LPCAT2: variants seen among roughly 807,000 people sequenced by gnomAD.
LPCAT2 encodes lysophosphatidylcholine acyltransferase 2, also known as 1-AGP acyltransferase 11.
Under a neutral mutation model 64.7 loss-of-function variants are expected in LPCAT2, and 58 were observed. The ratio of observed to expected loss-of-function variants is 0.90; its 90% CI spans 0.73 to 1.12. The LOEUF (loss-of-function observed/expected upper bound fraction) is 1.12. Ranked by LOEUF, LPCAT2 falls within the 50% of genes most tolerant of loss-of-function variation. LPCAT2 has a pLI of 0.00. For synonymous variants in LPCAT2, 252 were observed against 245.3 expected (o/e 1.03, Z -0.26); for missense variants, 579 against 669.8 (o/e 0.86, Z 1.50).
At chr16:55,521,175 A>G (rs1963090580) in intron 1 of LPCAT2, among the ~76,000 whole-genome samples, 1 of 151,852 alleles carries the variant, frequency 6.6e-6, no homozygotes, top group South Asian at 2.1e-4. Flanking sequence ...ATATCATTAT[A>G]GGCTAAATGG....
At chr16:55,521,084 G>A (rs2142393089) in intron 1 of LPCAT2, among the ~76,000 whole-genome samples, 1 of 151,744 alleles carries the variant, frequency 6.6e-6, no homozygotes, top group East Asian at 1.9e-4. Context: ...ATACATTAAT[G>A]GAATTGATAA....
At chr16:55,570,876 G>T (rs112555633) in intron 11 of LPCAT2, among the ~76,000 whole-genome samples, 5 of 152,278 alleles carry the variant, frequency 3.3e-5, no homozygotes, top group African/African-American at 1.2e-4. Context: ...GTACAGCTCA[G>T]AATTTACTGT....
intron 11 of LPCAT2, chr16:55,566,873 G>A: frequency 6.2e-7 from 1 of 1,613,858 alleles, no homozygotes. Flanking sequence ...ATATTGGAGG[G>A]ATAGTTGGAG....
chr16:55,579,660 G>A (rs1414777510), intron 13 of LPCAT2, among the ~76,000 whole-genome samples: 4 of 152,186 alleles, frequency 2.6e-5, no homozygotes, highest in African/African-American at 9.7e-5. Context: ...TCTGCTTTCA[G>A]TGTGGCCAGG....
intron 2 of LPCAT2, among the ~76,000 whole-genome samples, chr16:55,526,666 T>C (rs1963174541): frequency 6.6e-6 from 1 of 152,212 alleles, no homozygotes; most frequent in South Asian, 2.1e-4. Context: ...GGTTGTGTAG[T>C]ATAAAACAAT....
chr16:55,532,060 T>G (rs779890328), intron 5 of LPCAT2, 86 bp downstream of exon 5: 7 of 868,562 alleles, frequency 8.1e-6, no homozygotes, highest in Non-Finnish European at 1.1e-5. Context: ...AATAACTCTT[T>G]AGCTTGCTCT....
intron 9 of LPCAT2, among the ~76,000 whole-genome samples, chr16:55,547,145 C>G (rs2142396492): frequency 6.7e-6 from 1 of 148,726 alleles, no homozygotes; most frequent in Non-Finnish European, 1.5e-5. Flanking sequence ...GAAACTCCGT[C>G]TCAAAAAAGA....
At position 55,524,959 on chromosome 16, in the gene LPCAT2, A is replaced by G. The variant is rs185235853; in HGVS notation, c.172-549A>G. Among the ~76,000 whole-genome samples the G allele has an allele frequency of 1.3e-3, 196 of 152,130 alleles. 1 individual carries two copies. Among genetic ancestry groups the G allele is most frequent in the Middle Eastern group, 6.8e-3 (2 of 294 alleles). The stretch of plus-strand genomic sequence containing the variant: ...AGTAAGCATCCATGTATTATTTGCT[A>G]TTCTTTTTAATTTACTTTTCATTTC... On this transcript the variant is annotated intron_variant, in intron 1 of 13. Coordinates refer to ENST00000262134, the MANE Select transcript of LPCAT2 (RefSeq NM_017839.5).
intron 11 of LPCAT2, among the ~76,000 whole-genome samples, chr16:55,553,616 T>C (rs1434550797): frequency 1.3e-5 from 2 of 152,218 alleles, no homozygotes; most frequent in Non-Finnish European, 2.9e-5. Flanking sequence ...TCCATAAGTG[T>C]TGTAATTGGC....
intron 11 of LPCAT2, among the ~76,000 whole-genome samples, chr16:55,562,146 A>G (rs2047082489): frequency 6.6e-6 from 1 of 152,062 alleles, no homozygotes; most frequent in African/African-American, 2.4e-5. Flanking sequence ...ATCTGATTCC[A>G]TTTTATTGAT....
At chr16:55,556,503 C>T (rs778655617) in intron 11 of LPCAT2, among the ~76,000 whole-genome samples, 41 of 152,258 alleles carry the variant, frequency 2.7e-4, no homozygotes, top group Admixed American at 1.4e-3. Flanking sequence ...CAGGGCCGGG[C>T]GCGGTGGCTC....
At chr16:55,566,382 T>C (rs8049240) in intron 11 of LPCAT2, among the ~76,000 whole-genome samples, 143,351 of 152,260 alleles carry the variant, frequency 0.94, 67,843 homozygotes, top group East Asian at 0.99. Flanking sequence ...CATTTACCTT[T>C]TTCCTGTTAG....
chr16:55,549,402 A>G lies in LPCAT2; in HGVS notation c.1061A>G (p.Lys354Arg). The change falls in exon 10 of 14, where the codon AAA (lysine) becomes AGA (arginine). Residue 354 changes from lysine (K) to arginine (R), a missense_variant and splice_region_variant. By Grantham distance (26) the Lys-to-Arg change is conservative. Transcript: ENST00000262134. ...TTTACTAAAATTAGCCGAAAATTGA[A>G]GTAAGTGTATTTTAAAATGACTACA... ...VEFTKISRKL[K>R]LDWDGVRKHL... 6.3e-7 allele frequency: 1 copy of G among 1,586,760 alleles called. No homozygotes were observed. The highest frequency in any genetic ancestry group is 2.3e-5 in the East Asian group (1 of 44,216).
At chr16:55,526,860 C>T (rs1244063369) in intron 2 of LPCAT2, among the ~76,000 whole-genome samples, 1 of 152,126 alleles carries the variant, frequency 6.6e-6, no homozygotes, top group Non-Finnish European at 1.5e-5. Context: ...TCTCTTTCTC[C>T]TCTCAAACAG....
intron 11 of LPCAT2, among the ~76,000 whole-genome samples, chr16:55,560,884 T>C (rs1567403256): frequency 6.6e-6 from 1 of 152,078 alleles, no homozygotes; most frequent in Non-Finnish European, 1.5e-5. Flanking sequence ...TTTGTAAATT[T>C]ACCAAGTTGT....
At chr16:55,519,465 C>T (rs1224131390) in intron 1 of LPCAT2, among the ~76,000 whole-genome samples, 4 of 148,622 alleles carry the variant, frequency 2.7e-5, no homozygotes, top group East Asian at 2.0e-4. Context: ...GCTGAGATCC[C>T]GTCACTGCAC....
rs1963442124 is a variant in LPCAT2 at position 55,545,441 on chromosome 16, TC to T, written c.853-292del. The T allele has an allele frequency of 2.1e-5, 5 of 238,984 alleles. No homozygotes were observed. The Admixed American group carries it at 2.8e-4, about 13-fold the overall frequency. The allele number at this position is 238,984 out of a possible 1,614,324, so 14.8% of individuals were successfully genotyped here. Reference sequence around the variant, plus strand: ...AGCTACAGCTTTACACTTCCAGAATTCCAGACACTGACTTGTTTCACCCTCA... The same window carrying T: ...AGCTACAGCTTTACACTTCCAGAATTCAGACACTGACTTGTTTCACCCTCA... On this transcript the variant is annotated intron_variant, in intron 8 of 13. Transcript: ENST00000262134.
At chr16:55,539,526 TC>T (rs780817127) in intron 8 of LPCAT2, 2 of 152,152 alleles carry the variant, frequency 1.3e-5, no homozygotes, top group African/African-American at 2.4e-5. Flanking sequence ...AATTTATGAC[TC>T]CCCCTTTCAC....
chr16:55,558,555 T>C (rs573381632), intron 11 of LPCAT2, among the ~76,000 whole-genome samples: 1 of 152,346 alleles, frequency 6.6e-6, no homozygotes, highest in African/African-American at 2.4e-5. Context: ...TCAAGATGCA[T>C]TCATCTTAAT....
Sources: gnomAD v4.1 joint callset for allele counts (sites outside exome capture counted in the v4.1 genomes callset) on GRCh38, gnomAD v4.1.1 for gene constraint, MANE v1.5 for transcripts, NCBI Gene and HGNC (gene_info 2026-07-23, HGNC 2026-07-21) for gene names.